The following CTNNA1 variants were observed in gnomAD, a reference collection of about 807,000 sequenced individuals.
CTNNA1 encodes the protein catenin alpha 1, also known as catenin alpha-1.
Under a neutral mutation model 98.4 loss-of-function variants are expected in CTNNA1, and 37 were observed. The observed-to-expected ratio is 0.38, with a 90% CI of 0.29 to 0.49. The LOEUF (loss-of-function observed/expected upper bound fraction) is 0.49, where lower values mean the gene tolerates loss of function less well. CTNNA1 is among the 20% of genes least tolerant of loss of function. The pLI, the probability that CTNNA1 is intolerant of heterozygous loss-of-function variation, is 0.95. For synonymous variants in CTNNA1, 404 were observed against 413.2 expected, an observed-to-expected ratio of 0.98 and a Z score of 0.27; for missense variants, 761 against 1,147.2, an observed-to-expected ratio of 0.66 and a Z score of 4.86.
chr5:138,760,792 A>AT, intron 1 of CTNNA1, among the ~76,000 whole-genome samples: 1 of 152,266 alleles, frequency 6.6e-6, no homozygotes, highest in Admixed American at 6.5e-5. Context: ...ACATCAGGGT[A>AT]TTTTCCACTT....
chr5:138,927,828 G>A (rs978448223), intron 13 of CTNNA1, among the ~76,000 whole-genome samples: 6 of 152,064 alleles, frequency 3.9e-5, no homozygotes, highest in African/African-American at 1.4e-4. Flanking sequence ...TTAGGAGGTG[G>A]TCCTTTGAAA....
intron 7 of CTNNA1, among the ~76,000 whole-genome samples, chr5:138,838,814 A>G (rs1762026541): frequency 6.6e-6 from 1 of 152,038 alleles, no homozygotes; most frequent in South Asian, 2.1e-4. Context: ...TTTGTTTTTA[A>G]GAGATCGGGT....
At chr5:138,913,709 G>T (rs1761148603) in intron 10 of CTNNA1, among the ~76,000 whole-genome samples, 1 of 151,724 alleles carries the variant, frequency 6.6e-6, no homozygotes, top group Non-Finnish European at 1.5e-5. Context: ...TATTTCTTTG[G>T]CTAGAAAGTC....
chr5:138,853,362 G>A (rs539582072), intron 7 of CTNNA1, among the ~76,000 whole-genome samples: 118 of 151,920 alleles, frequency 7.8e-4, no homozygotes, highest in East Asian at 3.3e-3. Context: ...TGTATTCTTT[G>A]CCCATTTTCT....
At chr5:138,802,784 T>C (rs1305448359) in intron 3 of CTNNA1, among the ~76,000 whole-genome samples, 2 of 152,182 alleles carry the variant, frequency 1.3e-5, no homozygotes, top group African/African-American at 4.8e-5. Context: ...TTCTCTATTA[T>C]ACTGGTTACC....
chr5:138,932,561 G>A lies in CTNNA1; in HGVS notation c.2299-17G>A, dbSNP rs2150348755. On this transcript the variant is annotated splice_polypyrimidine_tract_variant and intron_variant, in intron 16 of 17. Transcript: ENST00000302763. ...GCCAGGCCAGGATACTTGGTGTTAA[G>A]CCTGCTCTCTCTTCAGTGCCCCGAC... 6.2e-7 allele frequency: 1 copy of A among 1,613,866 alleles called. No individual in the cohort carries two copies.
At chr5:138,771,659 TA>T (rs1367510793) in intron 1 of CTNNA1, among the ~76,000 whole-genome samples, 2 of 152,164 alleles carry the variant, frequency 1.3e-5, no homozygotes, top group African/African-American at 4.8e-5. Flanking sequence ...AGTGCTGGGA[TA>T]ACAAGTCAGA....
chr5:138,847,475 A>C lies in CTNNA1; in HGVS notation c.1062+19757A>C, dbSNP rs139447470. 2.4e-3 allele frequency among the ~76,000 whole-genome samples: 361 copies of C among 152,308 alleles called. 1 individual carries two copies. Among genetic ancestry groups the C allele is most frequent in the African/African-American group, 8.1e-3 (336 of 41,566 alleles). The stretch of plus-strand genomic sequence containing the variant: ...TGGCAGGCCGATGTCATAATTTCTT[A>C]GTCAAAGTATTAGTTGAAGAATTCA... On this transcript the variant is annotated intron_variant, in intron 7 of 17. Transcript: ENST00000302763.
chr5:138,756,899 G>A (rs1341047986), intron 1 of CTNNA1, among the ~76,000 whole-genome samples: 1 of 152,024 alleles, frequency 6.6e-6, no homozygotes, highest in East Asian at 1.9e-4. Flanking sequence ...AATGAGACAG[G>A]ACTTAAATAT....
At chr5:138,897,538 T>C (rs1581566670) in intron 9 of CTNNA1, among the ~76,000 whole-genome samples, 1 of 152,254 alleles carries the variant, frequency 6.6e-6, no homozygotes, top group Admixed American at 6.5e-5. Context: ...GGGTATTTTC[T>C]CAGTACTGTA....
In CTNNA1 at chr5:138,934,038, C is replaced by G. The variant is rs528674508; in HGVS notation, c.2670C>G (p.His890Gln). The stretch of plus-strand genomic sequence containing the variant: ...TTAAACGGGCATCTCAGAAGAAGCA[C>G]GTGAACCCGGTGCAGGCCCTCAGCG... ...TKIKRASQKK[H>Q]VNPVQALSEF... Residue 890 changes from histidine (H) to glutamine (Q), a missense_variant, in exon 18 of 18, where the codon CAC becomes CAG. Transcript: ENST00000302763. The G allele has an allele frequency of 1.2e-6, 2 of 1,613,884 alleles. No individual in the cohort carries two copies. Among genetic ancestry groups the G allele is most frequent in the Admixed American group, 1.7e-5 (1 of 60,018 alleles).
At chr5:138,926,254 C>G (rs1764012747) in intron 13 of CTNNA1, among the ~76,000 whole-genome samples, 1 of 152,188 alleles carries the variant, frequency 6.6e-6, no homozygotes, top group Non-Finnish European at 1.5e-5. Context: ...CACTCAGCCC[C>G]TTGTGTCCTT....
intron 7 of CTNNA1, among the ~76,000 whole-genome samples, chr5:138,845,526 A>G (rs964132166): frequency 3.3e-5 from 5 of 152,236 alleles, no homozygotes; most frequent in Non-Finnish European, 7.3e-5. Flanking sequence ...CGACTAAGAC[A>G]TTTTAAAATG....
At chr5:138,762,482 C>G (rs375117540) in intron 1 of CTNNA1, among the ~76,000 whole-genome samples, 1 of 84,284 alleles carries the variant, frequency 1.2e-5, no homozygotes, top group African/African-American at 3.7e-5. Context: ...TCATTATTTT[C>G]TTTAGTTTTT....
At chr5:138,800,042 G>A (rs1443225306) in intron 3 of CTNNA1, among the ~76,000 whole-genome samples, 1 of 151,966 alleles carries the variant, frequency 6.6e-6, no homozygotes, top group Non-Finnish European at 1.5e-5. Flanking sequence ...GATTACAAGT[G>A]CTCGCCACCA....
At chr5:138,804,254 G>A (rs1207798197) in intron 3 of CTNNA1, among the ~76,000 whole-genome samples, 1 of 152,196 alleles carries the variant, frequency 6.6e-6, no homozygotes, top group Non-Finnish European at 1.5e-5. Context: ...TCCAGAGCCT[G>A]TGCTCTTTCA....
At chr5:138,839,527 G>A (rs1206929570) in intron 7 of CTNNA1, among the ~76,000 whole-genome samples, 1 of 152,202 alleles carries the variant, frequency 6.6e-6, no homozygotes, top group Non-Finnish European at 1.5e-5. Flanking sequence ...TGGGTGGAGT[G>A]AAAGTGTCAC....
At chr5:138,906,572 T>A (rs777626824) in intron 10 of CTNNA1, among the ~76,000 whole-genome samples, 60 of 151,610 alleles carry the variant, frequency 4.0e-4, no homozygotes, top group Admixed American at 2.0e-3. Flanking sequence ...ACACGGAGAG[T>A]CTAGTAGATC....
intron 1 of CTNNA1, among the ~76,000 whole-genome samples, chr5:138,763,810 A>G (rs566012356): frequency 6.6e-6 from 1 of 152,066 alleles, no homozygotes; most frequent in South Asian, 2.1e-4. Context: ...TGAGGGATTC[A>G]TTTGTTGTCA....
Sources: allele counts gnomAD v4.1 joint callset (sites outside exome capture counted in the v4.1 genomes callset), GRCh38; gene constraint gnomAD v4.1.1; transcripts MANE v1.5; gene names NCBI Gene and HGNC (gene_info 2026-07-23, HGNC 2026-07-21).